Variants in GALNTL6 observed in about 807,000 individuals in gnomAD.
GALNTL6 encodes the protein polypeptide N-acetylgalactosaminyltransferase like 6.
A neutral mutation model predicts 73.7 loss-of-function variants in GALNTL6; 46 were observed. That is an observed-to-expected ratio of 0.62 (90% confidence interval 0.49 to 0.80). GALNTL6 has a LOEUF of 0.80. Among genes scored for constraint, GALNTL6 ranks in the 30% least tolerant of loss-of-function variants. The pLI is 0.00. For synonymous variants in GALNTL6, 259 were observed against 263.7 expected (o/e 0.98, Z 0.17); for missense variants, 604 against 755.0 (o/e 0.80, Z 2.34).
intron 8 of GALNTL6, among the ~76,000 whole-genome samples, chr4:172,928,994 A>G (rs1222438413): frequency 6.6e-6 from 1 of 152,198 alleles, no homozygotes; most frequent in Non-Finnish European, 1.5e-5. Flanking sequence ...TGATTTCTTA[A>G]GATCCTGGGA....
chr4:172,994,235 T>C (rs748072871), intron 10 of GALNTL6, among the ~76,000 whole-genome samples: 5 of 152,198 alleles, frequency 3.3e-5, no homozygotes, highest in Admixed American at 6.5e-5. Flanking sequence ...TTGCTTTTTT[T>C]ATAGAAAATA....
chr4:172,835,495 T>C (rs1001850208), intron 7 of GALNTL6, among the ~76,000 whole-genome samples: 1 of 152,188 alleles, frequency 6.6e-6, no homozygotes, highest in Non-Finnish European at 1.5e-5. Flanking sequence ...AAACCAGAAA[T>C]ACAGTGTGGA....
intron 3 of GALNTL6, among the ~76,000 whole-genome samples, chr4:172,269,782 C>G (rs1235566681): frequency 6.6e-6 from 1 of 151,574 alleles, no homozygotes; most frequent in Non-Finnish European, 1.5e-5. Context: ...GACAGAGTTT[C>G]ACTTTGTCGC....
intron 2 of GALNTL6, among the ~76,000 whole-genome samples, chr4:172,007,942 G>A (rs140704642): frequency 1.3e-5 from 2 of 151,860 alleles, no homozygotes; most frequent in African/African-American, 4.8e-5. Context: ...GCTTTGGACT[G>A]CTGCCATTTC....
intron 7 of GALNTL6, among the ~76,000 whole-genome samples, chr4:172,840,756 G>C (rs1743161616): frequency 6.6e-6 from 1 of 152,120 alleles, no homozygotes; most frequent in African/African-American, 2.4e-5. Context: ...ATTCCTGTGA[G>C]AGACAAAGAT....
chr4:172,521,168 A>T (rs1734762534), intron 5 of GALNTL6, among the ~76,000 whole-genome samples: 1 of 152,116 alleles, frequency 6.6e-6, no homozygotes, highest in South Asian at 2.1e-4. Context: ...GAGTATAAAT[A>T]GGTTGCACAT....
intron 5 of GALNTL6, among the ~76,000 whole-genome samples, chr4:172,414,207 C>T (rs1055458073): frequency 6.6e-6 from 1 of 152,080 alleles, no homozygotes; most frequent in Non-Finnish European, 1.5e-5. Flanking sequence ...CATTGATTAG[C>T]TCTGTTAACC....
chr4:172,282,663 G>C (rs951614955), intron 3 of GALNTL6, among the ~76,000 whole-genome samples: 2 of 110,144 alleles, frequency 1.8e-5, no homozygotes, highest in African/African-American at 9.9e-5. Context: ...AGTTGAAATG[G>C]GGCAAAAAAA....
intron 10 of GALNTL6, among the ~76,000 whole-genome samples, chr4:172,956,578 G>T (rs1266027324): frequency 1.3e-5 from 2 of 152,142 alleles, no homozygotes; most frequent in Non-Finnish European, 2.9e-5. Flanking sequence ...CAGTGAATAG[G>T]AGTATGACTA....
intron 5 of GALNTL6, among the ~76,000 whole-genome samples, chr4:172,792,286 A>G (rs1336164243): frequency 6.6e-6 from 1 of 152,162 alleles, no homozygotes; most frequent in Non-Finnish European, 1.5e-5. Flanking sequence ...AATGTTTAAA[A>G]ACTACAGTAA....
intron 5 of GALNTL6, among the ~76,000 whole-genome samples, chr4:172,481,323 T>TA (rs1472316105): frequency 1.5e-5 from 2 of 134,534 alleles, no homozygotes; most frequent in Non-Finnish European, 3.4e-5. Context: ...TGGTGAGTGT[T>TA]ACAGCTCATA....
chr4:172,380,543 G>C (rs1254116554), intron 5 of GALNTL6: 2 of 348,122 alleles, frequency 5.7e-6, no homozygotes, highest in African/African-American at 2.1e-5. Context: ...ATATATCCTT[G>C]TTTTCAATGT....
chr4:172,646,914 T>C (rs1287076275), intron 5 of GALNTL6, among the ~76,000 whole-genome samples: 1 of 152,054 alleles, frequency 6.6e-6, no homozygotes, highest in Non-Finnish European at 1.5e-5. Context: ...CAAGGAACAA[T>C]TATTCTTCAT....
chr4:172,632,371 A>G (rs894101273), intron 5 of GALNTL6, among the ~76,000 whole-genome samples: 1 of 152,170 alleles, frequency 6.6e-6, no homozygotes, highest in Non-Finnish European at 1.5e-5. Flanking sequence ...AAATGCTGAT[A>G]GTGATATGGA....
intron 5 of GALNTL6, among the ~76,000 whole-genome samples, chr4:172,428,606 A>G (rs2111376511): frequency 6.6e-6 from 1 of 152,310 alleles, no homozygotes; most frequent in South Asian, 2.1e-4. Context: ...TGAAAAATGT[A>G]TATGCCATTT....
chr4:172,782,360 A>G (rs928260042), intron 5 of GALNTL6, among the ~76,000 whole-genome samples: 10 of 152,162 alleles, frequency 6.6e-5, no homozygotes, highest in African/African-American at 2.2e-4. Flanking sequence ...TAAGTCAGGT[A>G]AGAGTTTGAG....
chr4:172,963,383 C>T (rs1165033845), intron 10 of GALNTL6, among the ~76,000 whole-genome samples: 1 of 152,156 alleles, frequency 6.6e-6, no homozygotes, highest in African/African-American at 2.4e-5. Flanking sequence ...ATTTTTCTCC[C>T]TAGCATCCAT....
intron 5 of GALNTL6, among the ~76,000 whole-genome samples, chr4:172,765,546 A>AGTCTGT (rs71592102): frequency 0.52 from 79,161 of 151,378 alleles, 22,061 homozygotes; most frequent in African/African-American, 0.73. Context: ...CCATACTCTG[A>AGTCTGT]GTAGTCATTT....
chr4:172,880,237 A>C (rs1004147097), intron 7 of GALNTL6, among the ~76,000 whole-genome samples: 3 of 152,102 alleles, frequency 2.0e-5, no homozygotes, highest in African/African-American at 7.2e-5. Flanking sequence ...AATAGCCCCA[A>C]ACTGCGAACA....
Sources: gnomAD v4.1 joint callset for allele counts (sites outside exome capture counted in the v4.1 genomes callset) on GRCh38, gnomAD v4.1.1 for gene constraint, MANE v1.5 for transcripts, NCBI Gene and HGNC (gene_info 2026-07-23, HGNC 2026-07-21) for gene names.